ADGRG4: variants seen among roughly 807,000 people sequenced by gnomAD.
ADGRG4 encodes the protein G protein-coupled receptor 112.
In ADGRG4, 122 loss-of-function variants were observed where a neutral mutation model predicts 126.2. That is an observed-to-expected ratio of 0.97 (90% CI 0.83 to 1.12). The LOEUF is 1.12. Among genes scored for constraint, ADGRG4 ranks in the 50% most tolerant of loss-of-function variants. The pLI is 0.00. For missense variants in ADGRG4, 2,481 were observed against 2,251.8 expected, an observed-to-expected ratio of 1.10 and a Z score of -2.06; for synonymous variants, 943 against 838.7, an observed-to-expected ratio of 1.12 and a Z score of -2.15.
chrX:136,404,253 C>T (rs1443194506), intron 22 of ADGRG4, among the ~76,000 whole-genome samples: 2 of 110,418 alleles, frequency 1.8e-5, no homozygotes, highest in African/African-American at 3.3e-5. Flanking sequence ...ATCTCCCCCT[C>T]CATCCTCCCC....
intron 16 of ADGRG4, among the ~76,000 whole-genome samples, chrX:136,390,291 A>G (rs986670045): frequency 1.8e-5 from 2 of 111,447 alleles, no homozygotes; most frequent in East Asian, 5.7e-4. Flanking sequence ...GTCTCAAGCC[A>G]TCCTCCTGTC....
intron 15 of ADGRG4, among the ~76,000 whole-genome samples, chrX:136,384,076 TA>T (rs1285014306): frequency 3.7e-5 from 4 of 108,844 alleles, no homozygotes; most frequent in East Asian, 2.9e-4. Context: ...TTTATTTATT[TA>T]TTTTTTTATT....
intron 13 of ADGRG4, among the ~76,000 whole-genome samples, chrX:136,365,222 A>T (rs2075151596): frequency 9.0e-6 from 1 of 111,452 alleles, no homozygotes; most frequent in Admixed American, 9.6e-5. Context: ...AACCATCATC[A>T]CTAATTCCAG....
chrX:136,401,552 A>T (rs1320146289), intron 21 of ADGRG4, among the ~76,000 whole-genome samples: 1 of 111,928 alleles, frequency 8.9e-6, no homozygotes, highest in Non-Finnish European at 1.9e-5. Flanking sequence ...GAAGCTGAGA[A>T]GTCTGACTGG....
intron 1 of ADGRG4, among the ~76,000 whole-genome samples, chrX:136,302,482 A>G (rs2074707527): frequency 8.9e-6 from 1 of 112,206 alleles, no homozygotes; most frequent in Non-Finnish European, 1.9e-5. Flanking sequence ...ACAAACAGAG[A>G]GCCAAATCAT....
At chrX:136,392,901 T>C (rs1261422606) in intron 17 of ADGRG4, among the ~76,000 whole-genome samples, 1 of 111,964 alleles carries the variant, frequency 8.9e-6, no homozygotes, top group Non-Finnish European at 1.9e-5. Flanking sequence ...GACCATATAG[T>C]TCAGCATACT....
At chrX:136,391,403 TGTTA>T (rs1310011744) in intron 16 of ADGRG4, among the ~76,000 whole-genome samples, 2 of 111,800 alleles carry the variant, frequency 1.8e-5, no homozygotes, top group African/African-American at 6.5e-5. Flanking sequence ...ACTTTGGCAC[TGTTA>T]GTTAGCAAGC....
In ADGRG4 at chrX:136,387,859, A is replaced by G. The variant is rs2075300495; in HGVS notation, c.7896A>G (p.Gln2632=). ...CGATCTTGTTTAATTTCTTTGGCCA[A>G]ACTTCACTCTTTAAGGTAAATTCTT... The part of the protein sequence containing the change: ...LQTILFNFFG[Q]TSLFKTKNVT... Residue 2632 remains glutamine, a synonymous_variant, in exon 16 of 26, where the codon CAA becomes CAG. Transcript: ENST00000394143. The G allele has an allele frequency of 8.3e-7, 1 of 1,206,450 alleles. No homozygotes were observed. The highest frequency in any genetic ancestry group is 1.8e-5 in the South Asian group (1 of 56,273).
chrX:136,314,133 C>A (rs763695019), intron 4 of ADGRG4, among the ~76,000 whole-genome samples: 1 of 110,704 alleles, frequency 9.0e-6, no homozygotes, highest in South Asian at 3.9e-4. Flanking sequence ...CCGCCATGGG[C>A]TGAGCCACCA....
At chrX:136,355,396 A>G (rs913387037) in intron 8 of ADGRG4, among the ~76,000 whole-genome samples, 87 of 111,583 alleles carry the variant, frequency 7.8e-4, no homozygotes, top group African/African-American at 2.7e-3. Context: ...GGACACAAAC[A>G]TTCACAACAT....
At chrX:136,380,381 G>T (rs940022846) in intron 15 of ADGRG4, among the ~76,000 whole-genome samples, 20 of 110,653 alleles carry the variant, frequency 1.8e-4, no homozygotes, top group African/African-American at 6.6e-4. Flanking sequence ...CCATTTTGTT[G>T]ATCCTTTTAA....
chrX:136,302,995 C>T (rs2148440807), intron 1 of ADGRG4, among the ~76,000 whole-genome samples: 1 of 111,341 alleles, frequency 9.0e-6, no homozygotes, highest in Non-Finnish European at 1.9e-5. Context: ...GGTGTACTGT[C>T]TCTCTTGTGG....
chrX:136,385,674 C>T (rs2075289231), intron 15 of ADGRG4, among the ~76,000 whole-genome samples: 1 of 111,454 alleles, frequency 9.0e-6, no homozygotes, highest in Non-Finnish European at 1.9e-5. Flanking sequence ...GGACTATGTC[C>T]TGGGTTTTAT....
At chrX:136,393,805 G>A (rs922453257) in intron 18 of ADGRG4, among the ~76,000 whole-genome samples, 2 of 111,661 alleles carry the variant, frequency 1.8e-5, no homozygotes, top group South Asian at 3.8e-4. Flanking sequence ...GGGCTACAGT[G>A]CTCCAATCAT....
In ADGRG4 at chrX:136,323,399, A is replaced by G. The variant is rs1487897686; in HGVS notation, c.685+7A>G. 2.5e-6 allele frequency: 3 copies of G among 1,186,162 alleles called. No individual in the cohort carries two copies. Among genetic ancestry groups the G allele is most frequent in the East Asian group, 6.0e-5 (2 of 33,551 alleles). On this transcript the variant is annotated splice_region_variant and intron_variant, in intron 5 of 25. Transcript: ENST00000394143. ...GACAGGACACTGCGCTGCTGTGAGTAACTTAACAACTTTTTTCCTTAGCAA... is the reference window on the plus strand; with the variant it reads ...GACAGGACACTGCGCTGCTGTGAGTGACTTAACAACTTTTTTCCTTAGCAA...
At chrX:136,387,125 A>C (rs1317309684) in intron 15 of ADGRG4, among the ~76,000 whole-genome samples, 1 of 111,640 alleles carries the variant, frequency 9.0e-6, no homozygotes, top group Non-Finnish European at 1.9e-5. Flanking sequence ...CATGACCTAA[A>C]CATATCCCAT....
chrX:136,354,666 C>T (rs1459200242), intron 8 of ADGRG4, among the ~76,000 whole-genome samples: 1 of 111,216 alleles, frequency 9.0e-6, no homozygotes, highest in African/African-American at 3.3e-5. Flanking sequence ...GTCAAAAGTC[C>T]AGGCCTCCAG....
chrX:136,397,044 C>G (rs1409586414), intron 19 of ADGRG4, among the ~76,000 whole-genome samples: 2 of 111,091 alleles, frequency 1.8e-5, no homozygotes, highest in African/African-American at 3.3e-5. Flanking sequence ...CCACCTCAGC[C>G]TCCCAAGGTG....
At chrX:136,332,990 G>A (rs1402759717) in intron 5 of ADGRG4, among the ~76,000 whole-genome samples, 1 of 111,189 alleles carries the variant, frequency 9.0e-6, no homozygotes. Flanking sequence ...CTTTTGCTGT[G>A]CGGAAGCTCT....
Sources: allele counts gnomAD v4.1 joint callset (sites outside exome capture counted in the v4.1 genomes callset), GRCh38; gene constraint gnomAD v4.1.1; transcripts MANE v1.5; gene names NCBI Gene and HGNC (gene_info 2026-07-23, HGNC 2026-07-21).